PHLDB3: variants seen among roughly 807,000 people sequenced by gnomAD.
PHLDB3 encodes the protein pleckstrin homology-like domain family B member 3.
In PHLDB3, 86 loss-of-function variants were observed where a neutral mutation model predicts 85.7. The observed-to-expected ratio is 1.00, with a 90% confidence interval of 0.84 to 1.20. The LOEUF (loss-of-function observed/expected upper bound fraction) is 1.20, where lower values mean the gene tolerates loss of function less well. Ranked by LOEUF, PHLDB3 falls within the 50% of genes most tolerant of loss-of-function variation. The pLI is 0.00. For missense variants in PHLDB3, 995 were observed against 873.0 expected (o/e 1.14, Z -1.76); for synonymous variants, 376 against 349.8 (o/e 1.07, Z -0.83).
chr19:43,475,804 C>T (rs543225437), intron 15 of PHLDB3, among the ~76,000 whole-genome samples: 265 of 149,098 alleles, frequency 1.8e-3, no homozygotes, highest in Admixed American at 3.7e-3. Flanking sequence ...AATTTTTTTT[C>T]TTTTTTTTTT....
At chr19:43,490,012 A>G (rs77696385) in intron 9 of PHLDB3, among the ~76,000 whole-genome samples, 1 of 145,614 alleles carries the variant, frequency 6.9e-6, no homozygotes, top group Non-Finnish European at 1.5e-5. Context: ...GCCAAAAAGG[A>G]AAAAAAAAAA....
rs746349199 is a variant in PHLDB3 at position 43,479,394 on chromosome 19, C to T, written c.1685G>A (p.Arg562His). 1.9e-5 allele frequency: 30 copies of T among 1,563,198 alleles called. No individual in the cohort carries two copies. The highest frequency in any genetic ancestry group is 2.4e-5 in the East Asian group (1 of 41,542). The stretch of plus-strand genomic sequence containing the variant: ...GGGCTTACCCGCATAGTAGGCCAAG[C>T]GGCGGGCTTGGCGGTCAAAGCAGAA... ...RWFCFDRQAR[R>H]LAYYADKEET... Residue 562 changes from arginine (R) to histidine (H), a missense_variant, in exon 14 of 16, where the codon CGC becomes CAC. Coordinates refer to ENST00000292140, the MANE Select transcript of PHLDB3 (RefSeq NM_198850.4).
intron 13 of PHLDB3, among the ~76,000 whole-genome samples, chr19:43,482,357 C>T (rs1177727757): frequency 6.6e-6 from 1 of 152,156 alleles, no homozygotes; most frequent in African/African-American, 2.4e-5. Flanking sequence ...GCTGGCTGCC[C>T]TCAGGGTCTC....
At chr19:43,479,631 C>T (rs541273167) in intron 13 of PHLDB3, 38 bp from the exon 14 acceptor site, 75 of 1,422,754 alleles carry the variant, frequency 5.3e-5, no homozygotes, top group South Asian at 5.0e-5. Flanking sequence ...ATGTAAGGGG[C>T]GGGGGATTCT....
In PHLDB3 at chr19:43,495,310, G is replaced by A; in HGVS notation, c.981C>T (p.Cys327=). The change falls in exon 8 of 16, where the codon TGC becomes TGT. Residue 327 remains cysteine, a synonymous_variant. Transcript: ENST00000292140. ...QERSRLLELN[C]LQGTPGGDFS... ...AGTCCCCGCCAGGTGTTCCCTGAAG[G>A]CAATTGAGCTCGAGCAGCCGGCTCC... The A allele has an allele frequency of 6.2e-7, 1 of 1,613,828 alleles. No individual in the cohort carries two copies. Among genetic ancestry groups the A allele is most frequent in the South Asian group, 1.1e-5 (1 of 91,036 alleles).
intron 9 of PHLDB3, among the ~76,000 whole-genome samples, chr19:43,493,295 T>TAAATAAATA (rs1971363306): frequency 6.8e-6 from 1 of 147,198 alleles, no homozygotes; most frequent in Non-Finnish European, 1.5e-5. Context: ...AATAAATAAA[T>TAAATAAATA]AAATAAATAA....
intron 1 of PHLDB3, 144 bp from the exon 2 acceptor site, chr19:43,504,276 C>T (rs1971700325): frequency 2.6e-6 from 2 of 776,104 alleles, no homozygotes; most frequent in Non-Finnish European, 4.0e-6. Context: ...GTTACGGAGG[C>T]GTGTCCTGAA....
At chr19:43,479,640 C>A in intron 13 of PHLDB3, 47 bp from the exon 14 acceptor site, 1 of 1,371,928 alleles carries the variant, frequency 7.3e-7, no homozygotes, top group South Asian at 1.3e-5. Context: ...GCGGGGGATT[C>A]TACAGCCTGG....
intron 9 of PHLDB3, among the ~76,000 whole-genome samples, chr19:43,490,409 A>T (rs1971286479): frequency 1.3e-5 from 2 of 151,818 alleles, no homozygotes. Flanking sequence ...AAGAATACAA[A>T]AATTAGCCTG....
At chr19:43,502,030 A>G in intron 3 of PHLDB3, 71 bp downstream of exon 3, 1 of 1,516,900 alleles carries the variant, frequency 6.6e-7, no homozygotes, top group Non-Finnish European at 8.9e-7. Flanking sequence ...CCCGAGGAAA[A>G]AGCTGGGAGT....
At chr19:43,480,884 T>C (rs1165873447) in intron 13 of PHLDB3, among the ~76,000 whole-genome samples, 1 of 152,060 alleles carries the variant, frequency 6.6e-6, no homozygotes, top group Non-Finnish European at 1.5e-5. Context: ...GCAATACAAG[T>C]GTCCACTATT....
chr19:43,501,825 C>G lies in PHLDB3; in HGVS notation c.443G>C (p.Arg148Pro), dbSNP rs1414506755. Residue 148 changes from arginine to proline, a missense_variant, in exon 4 of 16, where the codon CGA (arginine) becomes CCA (proline). Arg to Pro is a moderately radical substitution (Grantham distance 103). Coordinates refer to ENST00000292140, the MANE Select transcript of PHLDB3 (RefSeq NM_198850.4). ...ALLRGELAGE[R>P]VAARREEEQL... ...CTCCTCCTCCCGGCGAGCGGCCACT[C>G]GCTCCCCAGCCAGCTCACCCCGCAG... 1 of 1,589,088 alleles carries G rather than the reference C, an allele frequency of 6.3e-7. No homozygotes were observed. Among genetic ancestry groups the G allele is most frequent in the Non-Finnish European group, 8.6e-7 (1 of 1,168,778 alleles).
At chr19:43,487,895 T>C (rs1299970046) in intron 9 of PHLDB3, among the ~76,000 whole-genome samples, 2 of 152,144 alleles carry the variant, frequency 1.3e-5, no homozygotes, top group Non-Finnish European at 2.9e-5. Context: ...GGCTCACACC[T>C]GTAATCCCAG....
At chr19:43,495,773 C>A (rs887480198) in intron 6 of PHLDB3, 153 bp from the exon 7 acceptor site, 3 of 1,063,362 alleles carry the variant, frequency 2.8e-6, no homozygotes, top group East Asian at 2.6e-5. Flanking sequence ...GCGTTCAGCT[C>A]CCTGGACCCT....
rs531681888 is a variant in PHLDB3, at chr19:43,497,798, C to G, written c.613G>C (p.Asp205His). 1 of 1,557,722 alleles carries G rather than the reference C, an allele frequency of 6.4e-7. No individual in the cohort carries two copies. Among genetic ancestry groups the G allele is most frequent in the Admixed American group, 1.9e-5 (1 of 51,466 alleles). ...QRLRKAQGQLDSQPEDQRERL... is the reference protein window; with the variant it reads ...QRLRKAQGQLHSQPEDQRERL... ...TCGCGTTGGTCCTCTGGCTGTGAGTCGAGCTGTCCCTGGGCCTTGCGGAGT... is the reference window on the plus strand; with the variant it reads ...TCGCGTTGGTCCTCTGGCTGTGAGTGGAGCTGTCCCTGGGCCTTGCGGAGT... The change falls in exon 5 of 16, where the codon GAC becomes CAC. Residue 205 changes from aspartate to histidine, a missense_variant. Asp to His is a moderately conservative substitution (Grantham distance 81, BLOSUM62 -1). Transcript: ENST00000292140.
Position 43,475,466 on chromosome 19 carries a change from T to C in PHLDB3, c.1867A>G (p.Met623Val), listed in dbSNP as rs775325878. ...FYMVAPSPEA[M>V]RIWMDVIVTA... Reference sequence around the variant, plus strand: ...ACGATGACGTCCATCCAAATGCGCATGGCTTCGGGGCTCGGAGCCACCATG... The same window carrying C: ...ACGATGACGTCCATCCAAATGCGCACGGCTTCGGGGCTCGGAGCCACCATG... The change falls in exon 16 of 16, where the codon ATG becomes GTG. Residue 623 changes from methionine (M) to valine (V), a missense_variant. Met to Val is a conservative substitution (Grantham distance 21). Coordinates refer to ENST00000292140, the MANE Select transcript of PHLDB3 (RefSeq NM_198850.4). The C allele has an allele frequency of 3.7e-6, 6 of 1,612,346 alleles. No individual in the cohort carries two copies. In the African/African-American group the frequency reaches 4.0e-5, roughly 11 times the overall value.
intron 13 of PHLDB3, among the ~76,000 whole-genome samples, chr19:43,481,209 C>T (rs1375823865): frequency 1.3e-5 from 2 of 152,036 alleles, no homozygotes; most frequent in Admixed American, 6.6e-5. Context: ...AGGATGGGTG[C>T]GGTGGCTCAC....
At chr19:43,501,163 T>C (rs2145952766) in intron 4 of PHLDB3, among the ~76,000 whole-genome samples, 1 of 145,112 alleles carries the variant, frequency 6.9e-6, no homozygotes, top group African/African-American at 2.5e-5. Flanking sequence ...GGTTTGGAAG[T>C]TTTCTTTTTC....
chr19:43,502,859 G>A (rs188755284), intron 2 of PHLDB3, among the ~76,000 whole-genome samples: 2 of 152,026 alleles, frequency 1.3e-5, no homozygotes, highest in Non-Finnish European at 2.9e-5. Flanking sequence ...AGGGTGAGCA[G>A]GTGTAAAGCC....
Sources: gnomAD v4.1 joint callset for allele counts (sites outside exome capture counted in the v4.1 genomes callset) on GRCh38, gnomAD v4.1.1 for gene constraint, MANE v1.5 for transcripts, NCBI Gene and HGNC (gene_info 2026-07-23, HGNC 2026-07-21) for gene names.